The following CDH4 variants were observed in gnomAD, a reference collection of about 807,000 sequenced individuals.
The protein encoded by CDH4 is cadherin-4.
A neutral mutation model predicts 86.0 loss-of-function variants in CDH4; 33 were observed. The observed-to-expected ratio is 0.38, with a 90% CI of 0.29 to 0.51. CDH4 has a LOEUF of 0.51. Among genes scored for constraint, CDH4 ranks in the 20% least tolerant of loss-of-function variants. The pLI is 0.86. For missense variants in CDH4, 1,114 were observed against 1,307.4 expected (o/e 0.85, Z 2.28); for synonymous variants, 555 against 549.4 (o/e 1.01, Z -0.14).
chr20:61,569,274 A>G (rs1003641647), intron 2 of CDH4, among the ~76,000 whole-genome samples: 2 of 152,218 alleles, frequency 1.3e-5, no homozygotes, highest in South Asian at 2.1e-4. Flanking sequence ...TAAGTGCTCA[A>G]TTAATGCTAG....
chr20:61,917,555 A>AC, intron 9 of CDH4, among the ~76,000 whole-genome samples: 1 of 152,318 alleles, frequency 6.6e-6, no homozygotes, highest in South Asian at 2.1e-4. Flanking sequence ...CCTCCCCAAG[A>AC]CAGGGGCGCA....
chr20:61,853,578 C>T (rs943884431), intron 6 of CDH4, among the ~76,000 whole-genome samples: 2 of 152,230 alleles, frequency 1.3e-5, no homozygotes, highest in South Asian at 2.1e-4. Context: ...GCATCTCTGC[C>T]GTCTGTGACT....
chr20:61,403,765 T>A (rs538924648), intron 2 of CDH4, among the ~76,000 whole-genome samples: 1 of 152,250 alleles, frequency 6.6e-6, no homozygotes, highest in Non-Finnish European at 1.5e-5. Context: ...CAATTTTTTT[T>A]GGCACAGATA....
chr20:61,646,073 CTG>C (rs1285874849), intron 2 of CDH4, among the ~76,000 whole-genome samples: 1 of 152,180 alleles, frequency 6.6e-6, no homozygotes, highest in African/African-American at 2.4e-5. Context: ...TTCTAACAGT[CTG>C]TGTGGTCACT....
intron 2 of CDH4, among the ~76,000 whole-genome samples, chr20:61,333,778 T>C (rs1048008851): frequency 6.6e-6 from 1 of 152,210 alleles, no homozygotes; most frequent in Non-Finnish European, 1.5e-5. Context: ...TGGCTCAAAA[T>C]TAACCCCTGG....
intron 2 of CDH4, among the ~76,000 whole-genome samples, chr20:61,461,780 G>A (rs191524534): frequency 6.6e-6 from 1 of 152,328 alleles, no homozygotes; most frequent in East Asian, 1.9e-4. Context: ...GTTTGCAGGG[G>A]AATCTCACTG....
intron 2 of CDH4, among the ~76,000 whole-genome samples, chr20:61,397,445 C>T (rs6061300): frequency 0.15 from 22,580 of 151,886 alleles, 2,051 homozygotes; most frequent in East Asian, 0.39. Context: ...GCTTCCTAAA[C>T]GCATACTTAG....
chr20:61,726,720 C>T (rs1016630763), intron 2 of CDH4, among the ~76,000 whole-genome samples: 4 of 151,514 alleles, frequency 2.6e-5, no homozygotes, highest in African/African-American at 4.9e-5. Flanking sequence ...TCATCACCAT[C>T]GCTGCCATCA....
chr20:61,814,716 G>A (rs891990878), intron 4 of CDH4, among the ~76,000 whole-genome samples: 4 of 152,210 alleles, frequency 2.6e-5, no homozygotes, highest in Non-Finnish European at 5.9e-5. Context: ...CCACAGGGGC[G>A]ATGAGCACTT....
chr20:61,314,187 C>T (rs911438274), intron 2 of CDH4, among the ~76,000 whole-genome samples: 6 of 152,144 alleles, frequency 3.9e-5, no homozygotes, highest in Admixed American at 3.9e-4. Flanking sequence ...GTGTTGCTAC[C>T]CCTGGTCTCT....
chr20:61,542,145 C>T (rs548162195), intron 2 of CDH4, among the ~76,000 whole-genome samples: 1 of 152,182 alleles, frequency 6.6e-6, no homozygotes, highest in Non-Finnish European at 1.5e-5. Flanking sequence ...TAAAAATCAA[C>T]TCATACTGGG....
Position 61,754,418 on chromosome 20 carries a change from C to A in CDH4, c.396+10629C>A, listed in dbSNP as rs1157033323. 2.0e-5 allele frequency among the ~76,000 whole-genome samples: 3 copies of A among 152,046 alleles called. No individual in the cohort carries two copies. The highest frequency in any genetic ancestry group is 4.4e-5 in the Non-Finnish European group (3 of 67,982). Reference sequence around the variant, plus strand: ...CCTCCAGGGCTGTTGAGGACAAGTCCCCGCCCACGGCAGCCCCCAGGTCCC... The same window carrying A: ...CCTCCAGGGCTGTTGAGGACAAGTCACCGCCCACGGCAGCCCCCAGGTCCC... On this transcript the variant is annotated intron_variant, in intron 3 of 15. Transcript: ENST00000614565. The surrounding 1 kb of genome is among the most constrained non-coding windows in gnomAD (Gnocchi z 4.7).
chr20:61,468,338 G>C (rs2085484661), intron 2 of CDH4, among the ~76,000 whole-genome samples: 1 of 150,454 alleles, frequency 6.6e-6, no homozygotes, highest in Admixed American at 6.6e-5. Flanking sequence ...GCAAGAGCCA[G>C]ACCTCTCTTT....
At chr20:61,290,685 T>A (rs532352841) in intron 2 of CDH4, among the ~76,000 whole-genome samples, 2 of 152,296 alleles carry the variant, frequency 1.3e-5, no homozygotes, top group African/African-American at 4.8e-5. Context: ...AGGTGTAAGA[T>A]GAAGACAGCC....
intron 7 of CDH4, among the ~76,000 whole-genome samples, chr20:61,877,366 C>A (rs910461896): frequency 7.6e-6 from 1 of 130,758 alleles, no homozygotes; most frequent in African/African-American, 2.8e-5. Flanking sequence ...ACCCACCCCC[C>A]ACCCCCCACC....
intron 2 of CDH4, among the ~76,000 whole-genome samples, chr20:61,700,013 G>A (rs545500064): frequency 1.9e-4 from 29 of 152,336 alleles, no homozygotes; most frequent in African/African-American, 6.7e-4. Flanking sequence ...CAGCGCCGGA[G>A]CTGCAGGTAT....
At chr20:61,906,145 T>C (rs558383070) in intron 8 of CDH4, among the ~76,000 whole-genome samples, 152 of 152,272 alleles carry the variant, frequency 1.0e-3, no homozygotes, top group African/African-American at 3.5e-3. Context: ...TTCAAACCAG[T>C]TATTGAGGCG....
In CDH4 at chr20:61,546,076, T is replaced by TTGTGGGATATGGTGTG. The variant is rs1287581021; in HGVS notation, c.170-197484_170-197483insGGGATATGGTGTGTGT. On this transcript the variant is annotated intron_variant, in intron 2 of 15. Coordinates refer to ENST00000614565, the MANE Select transcript of CDH4 (RefSeq NM_001794.5). ...CTGTCTGTGCATGTGTGGAGGGGGT[T>TTGTGGGATATGGTGTG]TGTTCACACGTGTGTGTGTGGAGGG... Among the ~76,000 whole-genome samples the TTGTGGGATATGGTGTG allele has an allele frequency of 2.3e-4, 2 of 8,698 alleles. 1 individual carries two copies. Among genetic ancestry groups the TTGTGGGATATGGTGTG allele is most frequent in the African/African-American group, 1.2e-3 (2 of 1,644 alleles). The allele number at this position is 8,698 out of a possible 152,430, so 5.7% of individuals were successfully genotyped here. A position where few individuals can be genotyped will look rare whatever the true frequency, so the allele number is the denominator to read the frequency against.
chr20:61,442,847 T>TC (rs2145534392), intron 2 of CDH4, among the ~76,000 whole-genome samples: 1 of 152,296 alleles, frequency 6.6e-6, no homozygotes, highest in Non-Finnish European at 1.5e-5. Flanking sequence ...TTTTCTGCAG[T>TC]CCCCCGGCCT....
Sources: gnomAD v4.1 joint callset for allele counts (sites outside exome capture counted in the v4.1 genomes callset) on GRCh38, gnomAD v4.1.1 for gene constraint, Gnocchi (gnomAD v3.1) non-coding constraint, MANE v1.5 for transcripts, NCBI Gene and HGNC (gene_info 2026-07-23, HGNC 2026-07-21) for gene names.